EML6: variants seen among roughly 807,000 people sequenced by gnomAD.
The protein encoded by EML6 is echinoderm microtubule-associated protein-like 6.
EML6 carries 154 observed loss-of-function variants against 240.1 expected under a neutral mutation model. The observed-to-expected ratio is 0.64, with a 90% confidence interval of 0.56 to 0.73. The LOEUF is 0.73. Ranked by LOEUF, EML6 falls within the 30% of genes least tolerant of loss-of-function variation. EML6 has a pLI of 0.00. For synonymous variants in EML6, 1,148 were observed against 899.0 expected (o/e 1.28, Z -4.95); for missense variants, 2,964 against 2,474.6 (o/e 1.20, Z -4.20).
rs777558884 is a variant in EML6 at position 54,950,667 on chromosome 2, C to T, written c.4101C>T (p.His1367=). ...KKLVEELALD[H]VFGYRGFDCR... ...GAATGCAGGAGCTGGCTCTAGACCA[C>T]GTGTTTGGCTACAGAGGTTTCGACT... The change falls in exon 30 of 42, where the codon CAC becomes CAT. Residue 1367 remains histidine (H), a synonymous_variant. Transcript: ENST00000356458. The T allele has an allele frequency of 2.4e-5, 38 of 1,551,514 alleles. No homozygotes were observed. Among genetic ancestry groups the T allele is most frequent in the South Asian group, 8.3e-5 (7 of 84,060 alleles).
At chr2:54,919,252 CCCA>C (rs1558686007) in intron 26 of EML6, among the ~76,000 whole-genome samples, 1 of 146,390 alleles carries the variant, frequency 6.8e-6, no homozygotes, top group African/African-American at 2.5e-5. Flanking sequence ...TCCCCCCCCC[CCCA>C]ATCCTTTTCA....
chr2:54,819,320 G>T (rs1008738078), intron 4 of EML6, among the ~76,000 whole-genome samples: 9 of 152,060 alleles, frequency 5.9e-5, no homozygotes, highest in Admixed American at 3.9e-4. Flanking sequence ...GGGTATCTGG[G>T]CCCAATTCCA....
Position 54,957,797 on chromosome 2 carries a change from G to C in EML6, c.4494G>C (p.Lys1498Asn), listed in dbSNP as rs1173997737. ...ACTCTGTCACCCACACAGGTGCCAA[G>C]GTTGCCAGCCGAGGGGGTCACCTGG... ...ITVWRWQEGA[K>N]VASRGGHLER... is the part of the protein sequence containing the mutation. Residue 1498 changes from lysine (K) to asparagine (N), a missense_variant, in exon 33 of 42, where the codon AAG becomes AAC. Lys to Asn is a moderately conservative substitution (Grantham distance 94, BLOSUM62 0). Transcript: ENST00000356458. 6.5e-7 allele frequency: 1 copy of C among 1,549,844 alleles called. No homozygotes were observed. The highest frequency in any genetic ancestry group is 1.2e-5 in the South Asian group (1 of 83,976).
intron 25 of EML6, among the ~76,000 whole-genome samples, chr2:54,914,251 A>T (rs1182299681): frequency 6.6e-6 from 1 of 152,184 alleles, no homozygotes; most frequent in Non-Finnish European, 1.5e-5. Flanking sequence ...AAGGCTCTGT[A>T]AGGGCAAAAG....
At chr2:54,859,505 A>G (rs1181659618) in intron 11 of EML6, 29 bp from the exon 12 acceptor site, 1 of 1,536,552 alleles carries the variant, frequency 6.5e-7, no homozygotes, top group Non-Finnish European at 8.8e-7. Context: ...TTTTTTCATA[A>G]CTAATCCTCT....
At chr2:54,800,353 G>A (rs1344989833) in intron 2 of EML6, among the ~76,000 whole-genome samples, 1 of 152,068 alleles carries the variant, frequency 6.6e-6, no homozygotes, top group African/African-American at 2.4e-5. Context: ...CAGATTGGAA[G>A]GTGATCCTCA....
chr2:54,929,236 C>CTT, intron 28 of EML6, among the ~76,000 whole-genome samples: 1 of 152,270 alleles, frequency 6.6e-6, no homozygotes, highest in South Asian at 2.1e-4. Context: ...CTTCATTTGC[C>CTT]CAGATTTGTC....
chr2:54,807,697 T>G (rs1429246926), intron 2 of EML6, among the ~76,000 whole-genome samples: 2 of 152,156 alleles, frequency 1.3e-5, no homozygotes, highest in Non-Finnish European at 2.9e-5. Context: ...TGTAGTAAAA[T>G]AATTACCAAG....
chr2:54,884,533 A>T (rs1672016842), intron 17 of EML6, among the ~76,000 whole-genome samples: 1 of 152,298 alleles, frequency 6.6e-6, no homozygotes, highest in Middle Eastern at 3.4e-3. Flanking sequence ...ACCCATCCTG[A>T]AGCTACCTCT....
intron 2 of EML6, among the ~76,000 whole-genome samples, chr2:54,781,658 A>G (rs553820496): frequency 1.3e-5 from 2 of 152,182 alleles, no homozygotes; most frequent in East Asian, 1.9e-4. Context: ...AGTATAAATA[A>G]ATATATATAT....
intron 32 of EML6, among the ~76,000 whole-genome samples, chr2:54,956,673 A>G (rs1183955363): frequency 3.3e-5 from 5 of 152,190 alleles, no homozygotes; most frequent in Admixed American, 3.3e-4. Flanking sequence ...GTTAGGGAGT[A>G]TCAGAGGGGT....
rs796515025 is a variant in EML6, at chr2:54,882,873, A to AAAAAAAAAAAAAAAAAAAAG, written c.2438+3234_2438+3235insAAAAAAAAAAAAAAAAAAGA. On this transcript the variant is annotated intron_variant, in intron 17 of 41. Transcript: ENST00000356458. ...ACTCCGTCTCAAAAAAAAAAAAAAA[A>AAAAAAAAAAAAAAAAAAAAG]AGAAAGCTTAGGGACACACTAAGCT... is the stretch of plus-strand genomic sequence containing the variant. 1.2e-3 allele frequency: 140 copies of AAAAAAAAAAAAAAAAAAAAG among 112,366 alleles called. 13 individuals are homozygous for AAAAAAAAAAAAAAAAAAAAG. Among genetic ancestry groups the AAAAAAAAAAAAAAAAAAAAG allele is most frequent in the African/African-American group, 4.0e-3 (113 of 28,542 alleles). The allele number at this position is 112,366 out of a possible 1,614,324, so 7.0% of individuals were successfully genotyped here.
At chr2:54,745,928 G>T (rs1683891701) in intron 2 of EML6, among the ~76,000 whole-genome samples, 1 of 152,152 alleles carries the variant, frequency 6.6e-6, no homozygotes, top group Admixed American at 6.5e-5. Flanking sequence ...CAAGGGAGGA[G>T]CAAAATTGTA....
intron 2 of EML6, among the ~76,000 whole-genome samples, chr2:54,782,974 T>C (rs1306145836): frequency 1.3e-5 from 2 of 152,254 alleles, no homozygotes; most frequent in African/African-American, 4.8e-5. Context: ...TCCTGTCTAA[T>C]ATATAGCAAG....
chr2:54,789,398 C>T (rs1052698507), intron 2 of EML6, among the ~76,000 whole-genome samples: 1 of 150,924 alleles, frequency 6.6e-6, no homozygotes, highest in Non-Finnish European at 1.5e-5. Flanking sequence ...CCTGTAGTCC[C>T]AGCTACTCGG....
chr2:54,843,670 C>T (rs1056076977), intron 7 of EML6, among the ~76,000 whole-genome samples: 7 of 151,946 alleles, frequency 4.6e-5, no homozygotes, highest in Non-Finnish European at 7.4e-5. Context: ...CGGTGAAACC[C>T]CGTCTCCACT....
At chr2:54,883,600 C>T (rs1671959147) in intron 17 of EML6, among the ~76,000 whole-genome samples, 1 of 152,124 alleles carries the variant, frequency 6.6e-6, no homozygotes, top group Non-Finnish European at 1.5e-5. Context: ...GCGGTGAATT[C>T]CTTGTGATGG....
chr2:54,951,148 A>G (rs1382124979), intron 30 of EML6, among the ~76,000 whole-genome samples: 1 of 152,224 alleles, frequency 6.6e-6, no homozygotes, highest in East Asian at 1.9e-4. Flanking sequence ...CATTTTTACA[A>G]TGAGCTATTT....
At chr2:54,952,259 G>A (rs1465880556) in intron 30 of EML6, among the ~76,000 whole-genome samples, 1 of 152,134 alleles carries the variant, frequency 6.6e-6, no homozygotes, top group Admixed American at 6.5e-5. Flanking sequence ...CCATGGAGTG[G>A]AGGAGACTTT....
Sources: gnomAD v4.1 joint callset for allele counts (sites outside exome capture counted in the v4.1 genomes callset) on GRCh38, gnomAD v4.1.1 for gene constraint, MANE v1.5 for transcripts, NCBI Gene and HGNC (gene_info 2026-07-23, HGNC 2026-07-21) for gene names.